The following MAP3K2 variants were observed in gnomAD, a reference collection of about 807,000 sequenced individuals.
MAP3K2 encodes MAP/ERK kinase kinase 2.
A neutral mutation model predicts 80.3 loss-of-function variants in MAP3K2; 24 were observed. That is an observed-to-expected ratio of 0.30 (90% CI 0.22 to 0.42). MAP3K2 has a LOEUF of 0.42. MAP3K2 is among the 10% of genes least tolerant of loss of function. The pLI is 1.00. For missense variants in MAP3K2, 608 were observed against 750.1 expected, an observed-to-expected ratio of 0.81 and a Z score of 2.21; for synonymous variants, 244 against 253.7, an observed-to-expected ratio of 0.96 and a Z score of 0.36.
At chr2:127,309,927 T>G (rs904482136) in intron 15 of MAP3K2, among the ~76,000 whole-genome samples, 36 of 152,182 alleles carry the variant, frequency 2.4e-4, no homozygotes, top group Admixed American at 1.3e-4. Flanking sequence ...TTCCGTACTT[T>G]GGAAGAAATT....
intron 7 of MAP3K2, 46 bp from the exon 8 acceptor site, chr2:127,326,863 T>TCA: frequency 7.4e-7 from 1 of 1,345,856 alleles, no homozygotes; most frequent in Non-Finnish European, 9.9e-7. Flanking sequence ...GGCAAGGGAA[T>TCA]CAAGTTTTGT....
At position 127,308,698 on chromosome 2, in the gene MAP3K2, C is replaced by A. The variant is rs1685755226; in HGVS notation, c.1521G>T (p.Arg507=). ...TCCCTGAGAGACAGATGGTCTGAAGCCGTTTGCTGGCCCCAAAATCTCCTA... is the reference window on the plus strand; with the variant it reads ...TCCCTGAGAGACAGATGGTCTGAAGACGTTTGCTGGCCCCAAAATCTCCTA... ...VKLGDFGASK[R]LQTICLSGTG... The change falls in exon 16 of 17, where the codon CGG becomes CGT. Residue 507 remains arginine, a synonymous_variant. Transcript: ENST00000682094. 3 of 1,613,822 alleles carry A rather than the reference C, an allele frequency of 1.9e-6. No homozygotes were observed. The highest frequency in any genetic ancestry group is 2.7e-5 in the African/African-American group (2 of 74,918).
chr2:127,312,716 G>A (rs751645639), intron 15 of MAP3K2, among the ~76,000 whole-genome samples: 1 of 151,968 alleles, frequency 6.6e-6, no homozygotes. Flanking sequence ...TAATCCCAGC[G>A]CTTTGAGAGG....
chr2:127,385,040 G>T (rs943071570), intron 1 of MAP3K2, among the ~76,000 whole-genome samples: 1 of 152,172 alleles, frequency 6.6e-6, no homozygotes, highest in African/African-American at 2.4e-5. Context: ...AGTTGATAAA[G>T]CAACGATAAG....
At chr2:127,360,698 T>G (rs546426795) in intron 1 of MAP3K2, among the ~76,000 whole-genome samples, 18 of 152,374 alleles carry the variant, frequency 1.2e-4, no homozygotes, top group African/African-American at 4.3e-4. Flanking sequence ...CTCATTACTC[T>G]GCAGACATCT....
chr2:127,363,832 T>C (rs537157087), intron 1 of MAP3K2, among the ~76,000 whole-genome samples: 1 of 152,230 alleles, frequency 6.6e-6, no homozygotes, highest in South Asian at 2.1e-4. Flanking sequence ...AATTTTTCAA[T>C]TTTTACTAGA....
At chr2:127,344,434 G>A (rs1390992294) in intron 1 of MAP3K2, among the ~76,000 whole-genome samples, 1 of 150,838 alleles carries the variant, frequency 6.6e-6, no homozygotes, top group African/African-American at 2.4e-5. Context: ...AGGATCACGT[G>A]AGCCCAGGAG....
intron 1 of MAP3K2, among the ~76,000 whole-genome samples, chr2:127,370,205 C>T (rs771283031): frequency 2.0e-5 from 3 of 152,188 alleles, no homozygotes; most frequent in Non-Finnish European, 4.4e-5. Context: ...AATAAATGCC[C>T]GCAGCGCAAG....
chr2:127,368,882 A>C (rs1687015986), intron 1 of MAP3K2, among the ~76,000 whole-genome samples: 1 of 151,918 alleles, frequency 6.6e-6, no homozygotes, highest in South Asian at 2.1e-4. Context: ...AGTAGCTGGC[A>C]CTACAGGCAT....
chr2:127,348,348 A>G (rs1387346026), intron 1 of MAP3K2, among the ~76,000 whole-genome samples: 1 of 152,156 alleles, frequency 6.6e-6, no homozygotes, highest in Non-Finnish European at 1.5e-5. Context: ...ACATTACGCC[A>G]CTACACTCCA....
chr2:127,350,559 A>G (rs1416006612), intron 1 of MAP3K2, among the ~76,000 whole-genome samples: 2 of 152,024 alleles, frequency 1.3e-5, no homozygotes, highest in Non-Finnish European at 2.9e-5. Flanking sequence ...TTACAGTAGA[A>G]TGTCAACTAA....
At chr2:127,361,830 G>T (rs959390794) in intron 1 of MAP3K2, among the ~76,000 whole-genome samples, 3 of 152,172 alleles carry the variant, frequency 2.0e-5, no homozygotes, top group Non-Finnish European at 2.9e-5. Context: ...AAACCTAGCG[G>T]TAGTTATAGG....
At chr2:127,376,392 T>C (rs556870831) in intron 1 of MAP3K2, among the ~76,000 whole-genome samples, 1 of 152,284 alleles carries the variant, frequency 6.6e-6, no homozygotes, top group Non-Finnish European at 1.5e-5. Context: ...ATTAAATCTA[T>C]ACTGAATAAA....
Position 127,323,903 on chromosome 2 carries a change from A to G in MAP3K2, c.837T>C (p.Asp279=). The change falls in exon 11 of 17, where the codon GAT becomes GAC. Residue 279 remains aspartate (D), a splice_region_variant and synonymous_variant. Transcript: ENST00000682094. ...HVSYHHQEYN[D]GRKTFPRARR... is the part of the protein sequence containing the mutation. ...GTGGTCTAATTGCTAGAAACTTACC[A>G]TCATTATACTCTTGATGATGATATG... 7.0e-7 allele frequency: 1 copy of G among 1,435,916 alleles called. No individual in the cohort carries two copies. Among genetic ancestry groups the G allele is most frequent in the African/African-American group, 1.4e-5 (1 of 69,520 alleles). The allele number at this position is 1,435,916 out of a possible 1,614,324, so 88.9% of individuals were successfully genotyped here. A position where few individuals can be genotyped will look rare whatever the true frequency, so the allele number is the denominator to read the frequency against.
rs539552408 is a variant in MAP3K2, at chr2:127,355,382, G to A, written c.-65-12188C>T. On this transcript the variant is annotated intron_variant, in intron 1 of 16. Coordinates refer to ENST00000682094, the MANE Select transcript of MAP3K2 (RefSeq NM_001371910.2). ...AGTAAAGGTATACCTGAGATATTGC[G>A]GGTTCAGTTACAGATGATGGCAATA... Among the ~76,000 whole-genome samples, 4 of 152,150 alleles carry A rather than the reference G, an allele frequency of 2.6e-5. No homozygotes were observed. In the South Asian group the frequency reaches 6.2e-4, roughly 24 times the overall value.
At chr2:127,372,786 C>A (rs1053149045) in intron 1 of MAP3K2, among the ~76,000 whole-genome samples, 1 of 152,138 alleles carries the variant, frequency 6.6e-6, no homozygotes, top group Non-Finnish European at 1.5e-5. Flanking sequence ...TTACAAACAG[C>A]CCGTGAATTA....
chr2:127,379,998 T>G (rs1687219012), intron 1 of MAP3K2, among the ~76,000 whole-genome samples: 1 of 152,150 alleles, frequency 6.6e-6, no homozygotes, highest in Admixed American at 6.5e-5. Context: ...AAAATTACAT[T>G]TAACTAAAGT....
At chr2:127,326,433 C>A (rs1019017581) in intron 8 of MAP3K2, among the ~76,000 whole-genome samples, 5 of 152,024 alleles carry the variant, frequency 3.3e-5, no homozygotes, top group Non-Finnish European at 7.4e-5. Flanking sequence ...AATTACAAAG[C>A]AAATGCATTA....
chr2:127,353,622 G>T (rs545904961), intron 1 of MAP3K2, among the ~76,000 whole-genome samples: 1 of 151,296 alleles, frequency 6.6e-6, no homozygotes, highest in Non-Finnish European at 1.5e-5. Flanking sequence ...GGAGGTGGGG[G>T]GGGTCAAACC....
Sources: gnomAD v4.1 joint callset for allele counts (sites outside exome capture counted in the v4.1 genomes callset) on GRCh38, gnomAD v4.1.1 for gene constraint, MANE v1.5 for transcripts, NCBI Gene and HGNC (gene_info 2026-07-23, HGNC 2026-07-21) for gene names.